The following MAPKAPK5 variants were observed in gnomAD, a reference collection of about 807,000 sequenced individuals.
The protein encoded by MAPKAPK5 is MAPK activated protein kinase 5, also known as MAP kinase-activated protein kinase 5.
In MAPKAPK5, 30 loss-of-function variants were observed where a neutral mutation model predicts 65.1. The ratio of observed to expected loss-of-function variants is 0.46; its 90% confidence interval spans 0.34 to 0.63. MAPKAPK5 has a LOEUF of 0.63. Among genes scored for constraint, MAPKAPK5 ranks in the 20% least tolerant of loss-of-function variants. MAPKAPK5 has a pLI of 0.01. For synonymous variants in MAPKAPK5, 179 were observed against 204.6 expected (o/e 0.87, Z 1.07); for missense variants, 433 against 581.4 (o/e 0.74, Z 2.63).
At chr12:111,850,034 C>CTT (rs57219959) in intron 1 of MAPKAPK5, among the ~76,000 whole-genome samples, 25 of 148,784 alleles carry the variant, frequency 1.7e-4, no homozygotes, top group African/African-American at 4.4e-4. Flanking sequence ...GTGAAATATC[C>CTT]TTTTTTTTTT....
At position 111,900,238 on chromosome 12, in the gene MAPKAPK5, G is replaced by A. The variant is rs1280736585; in HGVS notation, c.*7177G>A. The A allele has an allele frequency of 2.2e-6, 1 of 455,764 alleles. No homozygotes were observed. The highest frequency in any genetic ancestry group is 4.4e-6 in the Non-Finnish European group (1 of 226,782). The allele number at this position is 455,764 out of a possible 1,614,324, so 28.2% of individuals were successfully genotyped here. ...CACGATGTTGCCCACATGATCGTTG[G>A]GCATCACCCTGGACAGAATATGGGC... is the stretch of plus-strand genomic sequence containing the variant. On this transcript the variant is annotated 3_prime_UTR_variant, in exon 14 of 14. Coordinates refer to ENST00000550735, the MANE Select transcript of MAPKAPK5 (RefSeq NM_003668.4).
chr12:111,871,257 C>CT, intron 7 of MAPKAPK5, 77 bp downstream of exon 7: 1 of 1,184,436 alleles, frequency 8.4e-7, no homozygotes, highest in African/African-American at 1.5e-5. Flanking sequence ...TTCTACAGCA[C>CT]AAGTAGGCAT....
At chr12:111,872,271 T>C (rs2069808637) in intron 7 of MAPKAPK5, among the ~76,000 whole-genome samples, 1 of 152,194 alleles carries the variant, frequency 6.6e-6, no homozygotes, top group African/African-American at 2.4e-5. Flanking sequence ...TAACGCCTCA[T>C]GCTTGTTGCT....
At chr12:111,881,655 C>T (rs2070236146) in intron 8 of MAPKAPK5, among the ~76,000 whole-genome samples, 1 of 152,154 alleles carries the variant, frequency 6.6e-6, no homozygotes, top group South Asian at 2.1e-4. Context: ...ATCCACTCGC[C>T]TCGGCCTCAC....
chr12:111,889,126 G>A (rs1480554746), intron 12 of MAPKAPK5, 126 bp downstream of exon 12: 8 of 1,105,800 alleles, frequency 7.2e-6, no homozygotes, highest in Non-Finnish European at 6.4e-6. Context: ...TTCATCTTGT[G>A]TTATAAGAAA....
chr12:111,874,352 G>A (rs2069882907), intron 7 of MAPKAPK5, among the ~76,000 whole-genome samples: 1 of 151,124 alleles, frequency 6.6e-6, no homozygotes, highest in African/African-American at 2.4e-5. Flanking sequence ...TCGAGATCAT[G>A]CCATTGCACT....
intron 1 of MAPKAPK5, among the ~76,000 whole-genome samples, chr12:111,857,702 G>A (rs369149606): frequency 2.6e-5 from 4 of 152,142 alleles, no homozygotes; most frequent in East Asian, 1.9e-4. Flanking sequence ...TTGAGGGATA[G>A]TTTTGTTCAA....
At chr12:111,892,895 T>C (rs2070665846) in intron 13 of MAPKAPK5, 72 bp from the exon 14 acceptor site, 1 of 1,083,670 alleles carries the variant, frequency 9.2e-7, no homozygotes, top group Non-Finnish European at 1.4e-6. Context: ...GTGGACCTTA[T>C]TGGGTCTCTG....
chr12:111,859,514 C>T (rs2069357252), intron 1 of MAPKAPK5, among the ~76,000 whole-genome samples: 1 of 152,188 alleles, frequency 6.6e-6, no homozygotes, highest in Non-Finnish European at 1.5e-5. Flanking sequence ...ATCCTCCTGC[C>T]TTGGCCTCCC....
At chr12:111,875,446 G>C (rs1011112963) in intron 7 of MAPKAPK5, among the ~76,000 whole-genome samples, 4 of 152,220 alleles carry the variant, frequency 2.6e-5, no homozygotes, top group African/African-American at 9.6e-5. Flanking sequence ...TCTTGGCCTT[G>C]CTAGTGCACC....
At position 111,899,838 on chromosome 12, in the gene MAPKAPK5, A is replaced by G. The variant is rs1326873504; in HGVS notation, c.*6777A>G. 4.5e-6 allele frequency: 2 copies of G among 443,810 alleles called. No individual in the cohort carries two copies. Among genetic ancestry groups the G allele is most frequent in the African/African-American group, 2.0e-5 (1 of 49,842 alleles). 27.5% of individuals were successfully genotyped at this position (443,810 alleles called of 1,614,324 possible). A position where few individuals can be genotyped will look rare whatever the true frequency, so the allele number is the denominator to read the frequency against. On this transcript the variant is annotated 3_prime_UTR_variant, in exon 14 of 14. Coordinates refer to ENST00000550735, the MANE Select transcript of MAPKAPK5 (RefSeq NM_003668.4). ...ATGGACTCTTCAAGACGGTTTGAAC[A>G]TGTGTTATACACCATGGCACATCAA...
chr12:111,873,262 G>A (rs1264214968), intron 7 of MAPKAPK5, among the ~76,000 whole-genome samples: 1 of 152,088 alleles, frequency 6.6e-6, no homozygotes. Flanking sequence ...AGCATCATTG[G>A]TAAAATGTTT....
chr12:111,850,461 A>G (rs1214660246), intron 1 of MAPKAPK5, among the ~76,000 whole-genome samples: 1 of 152,180 alleles, frequency 6.6e-6, no homozygotes, highest in East Asian at 1.9e-4. Context: ...TAAAGGATCT[A>G]AAGTTGGAGA....
chr12:111,893,045 C>G lies in MAPKAPK5; in HGVS notation c.1400C>G (p.Ser467Cys), dbSNP rs754354622. 6 of 1,574,274 alleles carry G rather than the reference C, an allele frequency of 3.8e-6. No homozygotes were observed. In the Admixed American group the frequency reaches 1.1e-4, roughly 29 times the overall value. ...VKQVIEEQTT[S>C]HESQ ...CAGGTGATAGAAGAGCAAACCACGT[C>G]CCACGAATCCCAATAATGACAGCTT... Residue 467 changes from serine to cysteine, a missense_variant, in exon 14 of 14, where the codon TCC becomes TGC. By Grantham distance (112) the Ser-to-Cys change is moderately radical. Coordinates refer to ENST00000550735, the MANE Select transcript of MAPKAPK5 (RefSeq NM_003668.4).
Position 111,868,817 on chromosome 12 carries a change from C to T in MAPKAPK5, c.349C>T (p.His117Tyr). The change falls in exon 5 of 14, where the codon CAC becomes TAC. Residue 117 changes from histidine to tyrosine, a missense_variant. Around this residue, in one of 3 missense-constraint regions of MAPKAPK5, gnomAD observed 165 missense variants for 180.0 expected, o/e 0.92. Coordinates refer to ENST00000550735, the MANE Select transcript of MAPKAPK5 (RefSeq NM_003668.4). ...AGAGCTATTTCACAGAATCAGCCAG[C>T]ACCGGCACTTTACAGAGAAGCAAGC... ...GGELFHRISQ[H>Y]RHFTEKQASQ... The T allele has an allele frequency of 6.4e-7, 1 of 1,568,098 alleles. No homozygotes were observed. Among genetic ancestry groups the T allele is most frequent in the East Asian group, 2.4e-5 (1 of 42,200 alleles).
In MAPKAPK5 at chr12:111,901,331, C is replaced by T. The variant is rs1161000968; in HGVS notation, c.*8270C>T. The T allele has an allele frequency of 6.6e-6, 3 of 455,924 alleles. No homozygotes were observed. Among genetic ancestry groups the T allele is most frequent in the Non-Finnish European group, 1.3e-5 (3 of 226,796 alleles). 28.2% of individuals were successfully genotyped at this position (455,924 alleles called of 1,614,324 possible). ...GCCACTGTAATGAAGGGCATGCCCC[C>T]CCTGACTGTGTTACTGCAGGAAGTG... On this transcript the variant is annotated 3_prime_UTR_variant, in exon 14 of 14. Coordinates refer to ENST00000550735, the MANE Select transcript of MAPKAPK5 (RefSeq NM_003668.4).
At chr12:111,865,739 G>A (rs1159235122) in intron 2 of MAPKAPK5, among the ~76,000 whole-genome samples, 1 of 151,280 alleles carries the variant, frequency 6.6e-6, no homozygotes, top group Non-Finnish European at 1.5e-5. Flanking sequence ...GGGAGGCTGA[G>A]GCAGGAGAAT....
At chr12:111,862,496 T>C (rs2069472875) in intron 1 of MAPKAPK5, among the ~76,000 whole-genome samples, 1 of 150,786 alleles carries the variant, frequency 6.6e-6, no homozygotes, top group African/African-American at 2.4e-5. Flanking sequence ...AGGTCAGGAG[T>C]TCAAGACCAG....
intron 7 of MAPKAPK5, among the ~76,000 whole-genome samples, chr12:111,872,740 C>T (rs952122400): frequency 2.0e-5 from 3 of 152,184 alleles, no homozygotes; most frequent in African/African-American, 7.2e-5. Flanking sequence ...CCTCTTCCTT[C>T]ATCATCAGAG....
Sources: allele counts gnomAD v4.1 joint callset (sites outside exome capture counted in the v4.1 genomes callset), GRCh38; gene constraint gnomAD v4.1.1; regional missense constraint gnomAD v4.1.1; transcripts MANE v1.5; gene names NCBI Gene and HGNC (gene_info 2026-07-23, HGNC 2026-07-21).